LIMA1: variants seen among roughly 807,000 people sequenced by gnomAD.
The protein encoded by LIMA1 is LIM domain and actin binding 1.
A neutral mutation model predicts 62.6 loss-of-function variants in LIMA1; 52 were observed. The observed-to-expected ratio is 0.83, with a 90% CI of 0.67 to 1.05. The LOEUF (loss-of-function observed/expected upper bound fraction) is 1.05. LIMA1 is among the 50% of genes least tolerant of loss of function. The probability of loss-of-function intolerance (pLI) is 0.00; values close to 1 mark genes in which losing one functional copy is unlikely to be tolerated. For missense variants in LIMA1, 780 were observed against 902.2 expected (o/e 0.86, Z 1.74); for synonymous variants, 302 against 317.8 (o/e 0.95, Z 0.53).
chr12:50,208,105 T>C (rs1941186534), intron 4 of LIMA1, among the ~76,000 whole-genome samples: 1 of 152,088 alleles, frequency 6.6e-6, no homozygotes, highest in Non-Finnish European at 1.5e-5. Context: ...CCTAGCACTT[T>C]GGGAGGCTGA....
intron 10 of LIMA1, among the ~76,000 whole-genome samples, chr12:50,179,680 G>A (rs1317451924): frequency 2.7e-5 from 4 of 149,832 alleles, no homozygotes; most frequent in African/African-American, 4.9e-5. Context: ...CTCGTGATCT[G>A]CCCACCTCGG....
chr12:50,207,193 G>A (rs1461188315), intron 4 of LIMA1, among the ~76,000 whole-genome samples: 2 of 152,128 alleles, frequency 1.3e-5, no homozygotes, highest in Admixed American at 1.3e-4. Context: ...CCAAAGTGCT[G>A]TGATTACAAG....
chr12:50,236,652 G>T (rs1941699267), intron 2 of LIMA1, among the ~76,000 whole-genome samples: 2 of 152,136 alleles, frequency 1.3e-5, no homozygotes, highest in South Asian at 4.1e-4. Flanking sequence ...TCTCGGCTTG[G>T]AGTCCTTCTC....
intron 10 of LIMA1, 33 bp downstream of exon 10, chr12:50,181,871 T>G (rs1198230193): frequency 1.2e-6 from 2 of 1,613,684 alleles, no homozygotes; most frequent in Non-Finnish European, 1.7e-6. Context: ...GAGTTCCAGT[T>G]ATAGACAGAT....
At chr12:50,197,358 C>A (rs1252083434) in intron 7 of LIMA1, among the ~76,000 whole-genome samples, 1 of 151,944 alleles carries the variant, frequency 6.6e-6, no homozygotes, top group African/African-American at 2.4e-5. Context: ...GCGTGAGCCA[C>A]CTCGCCAGGC....
intron 1 of LIMA1, among the ~76,000 whole-genome samples, chr12:50,257,648 C>T (rs952381993): frequency 6.6e-6 from 1 of 152,220 alleles, no homozygotes; most frequent in East Asian, 1.9e-4. Context: ...TGCCTTTGCT[C>T]ACTAGAAGCA....
intron 3 of LIMA1, among the ~76,000 whole-genome samples, chr12:50,230,588 G>C (rs539487661): frequency 1.3e-5 from 2 of 151,692 alleles, no homozygotes; most frequent in Non-Finnish European, 2.9e-5. Flanking sequence ...TTTTTTTTGA[G>C]ACAGAGTCTC....
At position 50,182,041 on chromosome 12, in the gene LIMA1, G is replaced by A; in HGVS notation, c.1141-4C>T. ...CTCTTGCAGGTGCCTGAAACTTCTA[G>A]GAAAAACAAAAAGACAACTTTAGCA... On this transcript the variant is annotated splice_polypyrimidine_tract_variant and splice_region_variant and intron_variant, in intron 9 of 10. Coordinates refer to ENST00000341247, the MANE Select transcript of LIMA1 (RefSeq NM_016357.5). 1.2e-6 allele frequency: 2 copies of A among 1,612,030 alleles called. No homozygotes were observed. Among genetic ancestry groups the A allele is most frequent in the Non-Finnish European group, 1.7e-6 (2 of 1,179,864 alleles).
At chr12:50,238,836 C>T (rs1219277461) in intron 2 of LIMA1, among the ~76,000 whole-genome samples, 1 of 147,160 alleles carries the variant, frequency 6.8e-6, no homozygotes, top group Non-Finnish European at 1.5e-5. Flanking sequence ...GGCGACAGAG[C>T]GAGGCTCTGT....
rs769126902 is a variant in LIMA1, at chr12:50,223,928, C to T, written c.166-1443G>A. On this transcript the variant is annotated intron_variant, in intron 3 of 10. Transcript: ENST00000341247. ...TGGCACGCGCCTGTAGTCCCAGCTA[C>T]TCAGGAGGCTGAGGCAGAAAAATGG... 1.4e-4 allele frequency among the ~76,000 whole-genome samples: 21 copies of T among 152,016 alleles called. 1 individual carries two copies.
chr12:50,262,846 C>A (rs932898711), intron 1 of LIMA1, among the ~76,000 whole-genome samples: 1 of 151,924 alleles, frequency 6.6e-6, no homozygotes, highest in Non-Finnish European at 1.5e-5. Context: ...GGGTTTAAGA[C>A]CTACATGTAT....
chr12:50,269,041 C>A (rs2138691386), intron 1 of LIMA1, among the ~76,000 whole-genome samples: 1 of 152,254 alleles, frequency 6.6e-6, no homozygotes, highest in South Asian at 2.1e-4. Flanking sequence ...TGGCTCAAGT[C>A]TACATATTGA....
At chr12:50,204,186 T>G (rs1364748653) in intron 6 of LIMA1, among the ~76,000 whole-genome samples, 5 of 152,318 alleles carry the variant, frequency 3.3e-5, no homozygotes, top group Admixed American at 2.6e-4. Context: ...AAATAAGCTC[T>G]TCAGTCTTCT....
chr12:50,242,532 C>A (rs1941792980), intron 2 of LIMA1, among the ~76,000 whole-genome samples: 1 of 152,002 alleles, frequency 6.6e-6, no homozygotes, highest in Non-Finnish European at 1.5e-5. Flanking sequence ...ACAGGAGAAG[C>A]TGTGATAAGG....
rs1219561405 is a variant in LIMA1 at position 50,180,300 on chromosome 12, C to CG, written c.1274+1603dup. 1.2e-4 allele frequency among the ~76,000 whole-genome samples: 17 copies of CG among 138,278 alleles called. 1 individual carries two copies. Among genetic ancestry groups the CG allele is most frequent in the East Asian group, 8.4e-4 (4 of 4,752 alleles). The allele number at this position is 138,278 out of a possible 152,430, so 90.7% of individuals were successfully genotyped here. A position where few individuals can be genotyped will look rare whatever the true frequency, so the allele number is the denominator to read the frequency against. On this transcript the variant is annotated intron_variant, in intron 10 of 10. Coordinates refer to ENST00000341247, the MANE Select transcript of LIMA1 (RefSeq NM_016357.5). The stretch of plus-strand genomic sequence containing the variant: ...GGGCGACAGAGCAAGACTCCATCTC[C>CG]GGAAAAAAAAAAAAAAAGAAAGAAA...
At chr12:50,188,483 G>C (rs1473965917) in intron 9 of LIMA1, 1 of 152,194 alleles carries the variant, frequency 6.6e-6, no homozygotes, top group African/African-American at 2.4e-5. Context: ...ATGATCATCT[G>C]AGCTGTGGAC....
At position 50,177,481 on chromosome 12, in the gene LIMA1, C is replaced by G. The variant is rs1437286226; in HGVS notation, c.1863G>C (p.Gln621His). 2 of 1,614,020 alleles carry G rather than the reference C, an allele frequency of 1.2e-6. No homozygotes were observed. Among genetic ancestry groups the G allele is most frequent in the Admixed American group, 3.3e-5 (2 of 60,006 alleles). ...CTCTTCCACCCACAGACTCTTCACT[C>G]TGCTCTGACATGCTCCAGCCTTTCC... ...PIRKGWSMSE[Q>H]SEESVGGRVA... Residue 621 changes from glutamine to histidine, a missense_variant, in exon 11 of 11, where the codon CAG (glutamine) becomes CAC (histidine). By Grantham distance (24) the Gln-to-His change is conservative. Transcript: ENST00000341247.
intron 9 of LIMA1, among the ~76,000 whole-genome samples, chr12:50,184,144 C>G (rs1256201845): frequency 6.6e-6 from 1 of 152,142 alleles, no homozygotes; most frequent in Non-Finnish European, 1.5e-5. Context: ...AATCAAAAGA[C>G]CACAGGTTAC....
chr12:50,206,084 C>T lies in LIMA1; in HGVS notation c.631-16G>A. 1 of 1,607,656 alleles carries T rather than the reference C, an allele frequency of 6.2e-7. No homozygotes were observed. Among genetic ancestry groups the T allele is most frequent in the Non-Finnish European group, 8.5e-7 (1 of 1,175,366 alleles). On this transcript the variant is annotated splice_polypyrimidine_tract_variant and intron_variant, in intron 4 of 10. Coordinates refer to ENST00000341247, the MANE Select transcript of LIMA1 (RefSeq NM_016357.5). ...CCCGGAGAATCTGGAAAACGAAACCCAACGATAAGTTTTGCAGAAACAATG... is the reference window on the plus strand; with the variant it reads ...CCCGGAGAATCTGGAAAACGAAACCTAACGATAAGTTTTGCAGAAACAATG...
Sources: allele counts gnomAD v4.1 joint callset (sites outside exome capture counted in the v4.1 genomes callset), GRCh38; gene constraint gnomAD v4.1.1; transcripts MANE v1.5; gene names NCBI Gene and HGNC (gene_info 2026-07-23, HGNC 2026-07-21).